Variants in SPAG16 observed in about 807,000 individuals in gnomAD.
The protein encoded by SPAG16 is sperm-associated antigen 16 protein.
SPAG16 carries 86 observed loss-of-function variants against 80.4 expected under a neutral mutation model. The ratio of observed to expected loss-of-function variants is 1.07; its 90% confidence interval spans 0.90 to 1.28. The LOEUF (loss-of-function observed/expected upper bound fraction) is 1.28. Among genes scored for constraint, SPAG16 ranks in the 50% most tolerant of loss-of-function variants. The pLI, the probability that SPAG16 is intolerant of heterozygous loss-of-function variation, is 0.00. For missense variants in SPAG16, 870 were observed against 765.3 expected (o/e 1.14, Z -1.61); for synonymous variants, 294 against 265.9 (o/e 1.11, Z -1.03).
intron 10 of SPAG16, among the ~76,000 whole-genome samples, chr2:213,849,709 T>C (rs916605290): frequency 6.6e-6 from 1 of 152,176 alleles, no homozygotes; most frequent in African/African-American, 2.4e-5. Context: ...GATATTCTCC[T>C]AGAAAAGAGA....
At chr2:213,317,648 C>G in intron 5 of SPAG16, 1 of 1,030,396 alleles carries the variant, frequency 9.7e-7, no homozygotes, top group Non-Finnish European at 1.2e-6. Context: ...TGGTTTATAA[C>G]ATTTTCTCCT....
At chr2:213,521,747 A>T (rs1039082642) in intron 10 of SPAG16, among the ~76,000 whole-genome samples, 1 of 152,214 alleles carries the variant, frequency 6.6e-6, no homozygotes, top group South Asian at 2.1e-4. Flanking sequence ...AAGAGTTCAC[A>T]ATAGTCATGT....
intron 10 of SPAG16, among the ~76,000 whole-genome samples, chr2:213,648,149 T>G (rs1414709347): frequency 1.3e-5 from 2 of 152,240 alleles, no homozygotes; most frequent in Non-Finnish European, 2.9e-5. Flanking sequence ...TAACCATTTT[T>G]TATATTTTAC....
chr2:213,835,927 T>C (rs2074046952), intron 10 of SPAG16, among the ~76,000 whole-genome samples: 1 of 152,180 alleles, frequency 6.6e-6, no homozygotes, highest in Non-Finnish European at 1.5e-5. Context: ...TATTCTGTGG[T>C]TTAAATAAAG....
intron 3 of SPAG16, among the ~76,000 whole-genome samples, chr2:213,305,098 GT>G (rs1559390196): frequency 1.3e-5 from 2 of 151,930 alleles, no homozygotes; most frequent in Non-Finnish European, 2.9e-5. Context: ...CACTTGATTG[GT>G]TAAGTTAACT....
chr2:213,890,920 A>G (rs1482462897), intron 11 of SPAG16, among the ~76,000 whole-genome samples: 1 of 152,042 alleles, frequency 6.6e-6, no homozygotes, highest in African/African-American at 2.4e-5. Context: ...CTCTATGAGC[A>G]TACAGCTTAG....
intron 11 of SPAG16, among the ~76,000 whole-genome samples, chr2:213,906,288 A>G (rs1450895042): frequency 6.6e-6 from 1 of 152,152 alleles, no homozygotes; most frequent in Non-Finnish European, 1.5e-5. Context: ...AAATAAATGG[A>G]TAAGATACCT....
intron 9 of SPAG16, among the ~76,000 whole-genome samples, chr2:213,442,517 C>T (rs1245402744): frequency 6.6e-6 from 1 of 152,060 alleles, no homozygotes; most frequent in Admixed American, 6.6e-5. Context: ...GACTTCAAGA[C>T]TTACTATAAA....
At chr2:213,335,917 CAA>C (rs2064335530) in intron 5 of SPAG16, among the ~76,000 whole-genome samples, 1 of 151,616 alleles carries the variant, frequency 6.6e-6, no homozygotes, top group Non-Finnish European at 1.5e-5. Context: ...CCAAGTTTAC[CAA>C]ATAGAAACAG....
intron 10 of SPAG16, among the ~76,000 whole-genome samples, chr2:213,646,105 C>G (rs934228871): frequency 6.6e-6 from 1 of 152,170 alleles, no homozygotes; most frequent in African/African-American, 2.4e-5. Flanking sequence ...TCTGGGCACC[C>G]CTCCAAACCT....
At chr2:213,330,374 T>G (rs2064040406) in intron 5 of SPAG16, among the ~76,000 whole-genome samples, 1 of 152,196 alleles carries the variant, frequency 6.6e-6, no homozygotes, top group Non-Finnish European at 1.5e-5. Context: ...GCCTACCTCT[T>G]GTATCAGCGT....
At chr2:214,244,202 T>C (rs955218861) in intron 15 of SPAG16, among the ~76,000 whole-genome samples, 1 of 151,946 alleles carries the variant, frequency 6.6e-6, no homozygotes, top group Admixed American at 6.6e-5. Context: ...AATTACTTTT[T>C]TATATAGAAT....
intron 7 of SPAG16, among the ~76,000 whole-genome samples, chr2:213,356,520 C>G (rs1470181710): frequency 6.6e-6 from 1 of 152,148 alleles, no homozygotes; most frequent in East Asian, 1.9e-4. Flanking sequence ...TCTAAATTTT[C>G]TAGTTTATTT....
chr2:213,718,745 C>A (rs1252245325), intron 10 of SPAG16, among the ~76,000 whole-genome samples: 2 of 152,212 alleles, frequency 1.3e-5, no homozygotes, highest in East Asian at 3.9e-4. Flanking sequence ...GGGCTCGGGA[C>A]CTGCAGCCCG....
chr2:213,952,195 T>A (rs2079822447), intron 12 of SPAG16, among the ~76,000 whole-genome samples: 1 of 151,880 alleles, frequency 6.6e-6, no homozygotes, highest in African/African-American at 2.4e-5. Context: ...CGAAAACAAA[T>A]GAAGAGTGTA....
intron 13 of SPAG16, among the ~76,000 whole-genome samples, chr2:214,096,703 TG>T (rs1209754226): frequency 1.3e-5 from 2 of 152,092 alleles, no homozygotes; most frequent in African/African-American, 4.8e-5. Flanking sequence ...GTAAAAATTT[TG>T]TAGAGGCAAG....
At chr2:213,479,130 C>T (rs921360346) in intron 9 of SPAG16, among the ~76,000 whole-genome samples, 1 of 104,358 alleles carries the variant, frequency 9.6e-6, no homozygotes, top group African/African-American at 3.6e-5. Context: ...TAAAATGCCA[C>T]ATTTACTCTT....
rs115814562 is a variant in SPAG16, at chr2:213,519,035, G to A, written c.1070+28945G>A. On this transcript the variant is annotated intron_variant, in intron 10 of 15. Coordinates refer to ENST00000331683, the MANE Select transcript of SPAG16 (RefSeq NM_024532.5). Reference sequence around the variant, plus strand: ...AACTAAACATTGAGCACACATAGACGTAAACTTGGGAATAACAGACACTGT... The same window carrying A: ...AACTAAACATTGAGCACACATAGACATAAACTTGGGAATAACAGACACTGT... Among the ~76,000 whole-genome samples the A allele has an allele frequency of 7.1e-3, 1,088 of 152,212 alleles. 9 individuals carry two copies. Among genetic ancestry groups the A allele is most frequent in the Non-Finnish European group, 0.012 (807 of 68,008 alleles).
intron 10 of SPAG16, among the ~76,000 whole-genome samples, chr2:213,587,655 C>T (rs1051986109): frequency 2.6e-5 from 4 of 151,106 alleles, no homozygotes; most frequent in African/African-American, 9.9e-5. Context: ...CTTTCTTATT[C>T]CTTTTAATAT....
Sources: allele counts gnomAD v4.1 joint callset (sites outside exome capture counted in the v4.1 genomes callset), GRCh38; gene constraint gnomAD v4.1.1; transcripts MANE v1.5; gene names NCBI Gene and HGNC (gene_info 2026-07-23, HGNC 2026-07-21).